The following KSR1 variants were observed in gnomAD, a reference collection of about 807,000 sequenced individuals.
The protein encoded by KSR1 is kinase suppressor of ras 1, also known as kinase suppressor of ras.
A neutral mutation model predicts 92.9 loss-of-function variants in KSR1; 35 were observed. The ratio of observed to expected loss-of-function variants is 0.38; its 90% CI spans 0.29 to 0.50. The LOEUF (loss-of-function observed/expected upper bound fraction) is 0.50. Among genes scored for constraint, KSR1 ranks in the 20% least tolerant of loss-of-function variants. The pLI is 0.94. For synonymous variants in KSR1, 467 were observed against 472.6 expected (o/e 0.99, Z 0.15); for missense variants, 972 against 1,158.5 (o/e 0.84, Z 2.34).
intron 11 of KSR1, among the ~76,000 whole-genome samples, chr17:27,602,192 C>A (rs1352984189): frequency 6.6e-6 from 1 of 152,186 alleles, no homozygotes; most frequent in African/African-American, 2.4e-5. Flanking sequence ...TTCCCTAAGC[C>A]AGCTCCATTA....
intron 1 of KSR1, among the ~76,000 whole-genome samples, chr17:27,494,376 G>T (rs1019286261): frequency 2.0e-5 from 3 of 152,156 alleles, no homozygotes; most frequent in Non-Finnish European, 4.4e-5. Flanking sequence ...AGGCCTGTGG[G>T]AAGGAAGGAA....
intron 14 of KSR1, 124 bp from the exon 15 acceptor site, chr17:27,607,790 A>T: frequency 1.4e-6 from 1 of 701,296 alleles, no homozygotes; most frequent in Non-Finnish European, 2.5e-6. Context: ...TTTGGCTCAC[A>T]GTCGAGGGGC....
intron 14 of KSR1, among the ~76,000 whole-genome samples, chr17:27,606,922 C>A (rs927393073): frequency 1.3e-5 from 2 of 152,178 alleles, no homozygotes; most frequent in South Asian, 4.1e-4. Flanking sequence ...ACCTCTGCCT[C>A]CCAGGCTCAA....
At chr17:27,507,304 G>A (rs976209281) in intron 1 of KSR1, among the ~76,000 whole-genome samples, 6 of 151,898 alleles carry the variant, frequency 4.0e-5, no homozygotes, top group African/African-American at 1.2e-4. Context: ...CTGGTGGCAG[G>A]GGCCTGTAAT....
chr17:27,613,485 C>G (rs989161786), intron 18 of KSR1, among the ~76,000 whole-genome samples: 2 of 152,262 alleles, frequency 1.3e-5, no homozygotes, highest in African/African-American at 4.8e-5. Flanking sequence ...CACACACGAG[C>G]TGAAGAGGCC....
chr17:27,475,297 G>A (rs1170578579), intron 1 of KSR1, among the ~76,000 whole-genome samples: 1 of 152,224 alleles, frequency 6.6e-6, no homozygotes. Flanking sequence ...AGAGTAATGA[G>A]AAGAGAAGGT....
chr17:27,620,654 A>G (rs974655843), intron 19 of KSR1, among the ~76,000 whole-genome samples: 1 of 152,174 alleles, frequency 6.6e-6, no homozygotes, highest in African/African-American at 2.4e-5. Context: ...AGCAGAGACC[A>G]GGAGCATGGG....
At chr17:27,554,661 T>G (rs1175816252) in intron 2 of KSR1, among the ~76,000 whole-genome samples, 1 of 152,098 alleles carries the variant, frequency 6.6e-6, no homozygotes, top group Non-Finnish European at 1.5e-5. Context: ...TTATGGTGAG[T>G]TGTATAATTA....
rs1385482148 is a variant in KSR1 at position 27,623,676 on chromosome 17, T to C, written c.*284T>C. ...CCTGATGTTTTACAATAGGTAATAA[T>C]AAAAACAGTCTGTGCAGATGCACTG... On this transcript the variant is annotated 3_prime_UTR_variant, in exon 21 of 21. Transcript: ENST00000644974. The C allele has an allele frequency of 5.0e-6, 3 of 598,156 alleles. No homozygotes were observed. In the African/African-American group the frequency reaches 5.6e-5, roughly 11 times the overall value. The allele number at this position is 598,156 out of a possible 1,614,324, so 37.1% of individuals were successfully genotyped here.
At position 27,559,710 on chromosome 17, in the gene KSR1, A is replaced by G. The variant is rs2151110606; in HGVS notation, c.372+9002A>G. On this transcript the variant is annotated intron_variant, in intron 2 of 20. Transcript: ENST00000644974. The surrounding 1 kb of genome is among the most constrained non-coding windows in gnomAD (Gnocchi z 4.2). ...GGGATCTGTTGGAGCCAGTGGGCCA[A>G]CTCATCCTGGGTAGTCAGGGAAAGA... Among the ~76,000 whole-genome samples, 1 of 152,290 alleles carries G rather than the reference A, an allele frequency of 6.6e-6. No homozygotes were observed. The highest frequency in any genetic ancestry group is 2.1e-4 in the South Asian group (1 of 4,820).
At chr17:27,616,298 C>T (rs1026816614) in intron 18 of KSR1, among the ~76,000 whole-genome samples, 1 of 152,172 alleles carries the variant, frequency 6.6e-6, no homozygotes, top group Non-Finnish European at 1.5e-5. Flanking sequence ...ATTTCTCTTA[C>T]CTTCTTTTGT....
chr17:27,598,728 A>G (rs1448001628), intron 10 of KSR1, among the ~76,000 whole-genome samples: 3 of 152,212 alleles, frequency 2.0e-5, no homozygotes, highest in African/African-American at 4.8e-5. Flanking sequence ...TTCTTTTTGC[A>G]CAATCAGCCA....
At chr17:27,529,407 G>A (rs1249632705) in intron 1 of KSR1, among the ~76,000 whole-genome samples, 1 of 152,178 alleles carries the variant, frequency 6.6e-6, no homozygotes, top group Non-Finnish European at 1.5e-5. Context: ...ACACTTAATT[G>A]TTTCTTTAGG....
At chr17:27,473,045 A>G (rs933321990) in intron 1 of KSR1, among the ~76,000 whole-genome samples, 1 of 152,194 alleles carries the variant, frequency 6.6e-6, no homozygotes, top group African/African-American at 2.4e-5. Flanking sequence ...CTGGGACCAC[A>G]GGTGTATGCC....
At chr17:27,590,194 T>C (rs2073114800) in intron 6 of KSR1, among the ~76,000 whole-genome samples, 1 of 152,262 alleles carries the variant, frequency 6.6e-6, no homozygotes. Flanking sequence ...TATTCACTTC[T>C]ATTGTCATAG....
At chr17:27,606,050 T>A (rs1598135266) in intron 14 of KSR1, among the ~76,000 whole-genome samples, 1 of 152,120 alleles carries the variant, frequency 6.6e-6, no homozygotes, top group Admixed American at 6.5e-5. Context: ...GAGGCCAAGG[T>A]GGAAGGATTG....
chr17:27,494,961 A>C (rs1278921567), intron 1 of KSR1, among the ~76,000 whole-genome samples: 1 of 152,188 alleles, frequency 6.6e-6, no homozygotes, highest in East Asian at 1.9e-4. Context: ...GCTCCCATTC[A>C]GTGACTGGAG....
At chr17:27,592,250 G>C in intron 7 of KSR1, 111 bp from the exon 8 acceptor site, 1 of 792,324 alleles carries the variant, frequency 1.3e-6, no homozygotes, top group South Asian at 1.6e-5. Flanking sequence ...CATTTGTTGA[G>C]AAGTGTGTGA....
chr17:27,473,436 G>C (rs945217812), intron 1 of KSR1, among the ~76,000 whole-genome samples: 3 of 152,216 alleles, frequency 2.0e-5, no homozygotes, highest in Admixed American at 2.0e-4. Flanking sequence ...TGGATTAACA[G>C]GTGGCCATTC....
Sources: allele counts gnomAD v4.1 joint callset (sites outside exome capture counted in the v4.1 genomes callset), GRCh38; gene constraint gnomAD v4.1.1; non-coding constraint Gnocchi (gnomAD v3.1); transcripts MANE v1.5; gene names NCBI Gene and HGNC (gene_info 2026-07-23, HGNC 2026-07-21).